The following NPAS3 variants were observed in gnomAD, a reference collection of about 807,000 sequenced individuals.
The protein encoded by NPAS3 is neuronal PAS domain-containing protein 3.
A neutral mutation model predicts 73.1 loss-of-function variants in NPAS3; 14 were observed. The observed-to-expected ratio is 0.19, with a 90% CI of 0.13 to 0.30. The LOEUF (loss-of-function observed/expected upper bound fraction) is 0.30. Ranked by LOEUF, NPAS3 falls within the 10% of genes least tolerant of loss-of-function variation. The pLI is 1.00. For missense variants in NPAS3, 1,096 were observed against 1,250.0 expected (o/e 0.88, Z 1.86); for synonymous variants, 620 against 541.5 (o/e 1.14, Z -2.01).
At chr14:32,975,363 C>G (rs1232223726) in intron 1 of NPAS3, among the ~76,000 whole-genome samples, 1 of 134,178 alleles carries the variant, frequency 7.5e-6, no homozygotes, top group East Asian at 2.5e-4. Context: ...CTCTATTGCC[C>G]AGGCTGGAGT....
At chr14:33,554,649 C>A (rs1179694417) in intron 4 of NPAS3, among the ~76,000 whole-genome samples, 1 of 152,050 alleles carries the variant, frequency 6.6e-6, no homozygotes, top group African/African-American at 2.4e-5. Flanking sequence ...TGATTTTTCC[C>A]CCTTCTGTAC....
At chr14:32,937,834 T>C (rs2035746688), upstream of NPAS3, among the ~76,000 whole-genome samples, 1 of 152,306 alleles carries the variant, frequency 6.6e-6, no homozygotes, top group South Asian at 2.1e-4. Context: ...GGTTGACACA[T>C]GACTGACCCA....
At chr14:33,748,762 T>G (rs2140744470) in intron 7 of NPAS3, among the ~76,000 whole-genome samples, 1 of 152,330 alleles carries the variant, frequency 6.6e-6, no homozygotes, top group East Asian at 1.9e-4. Context: ...TGGCTGACAG[T>G]ACCTACCCTT....
chr14:33,411,979 A>T (rs1306835570), intron 4 of NPAS3, among the ~76,000 whole-genome samples: 1 of 152,086 alleles, frequency 6.6e-6, no homozygotes, highest in African/African-American at 2.4e-5. Context: ...ATATTGTATA[A>T]CTCAATGTAC....
At chr14:33,352,832 A>G (rs939904572) in intron 3 of NPAS3, among the ~76,000 whole-genome samples, 4 of 152,244 alleles carry the variant, frequency 2.6e-5, no homozygotes, top group African/African-American at 9.6e-5. Flanking sequence ...AGCTTACTTC[A>G]TCTCAATTTT....
intron 3 of NPAS3, among the ~76,000 whole-genome samples, chr14:33,314,078 G>A (rs2043112078): frequency 6.6e-6 from 1 of 151,940 alleles, no homozygotes; most frequent in Admixed American, 6.6e-5. Context: ...TATGGTGATG[G>A]TGTTATTTGA....
chr14:33,055,807 AGCAAAATAT>A (rs2040867150), intron 1 of NPAS3, 89 bp from the exon 2 acceptor site: 16 of 686,122 alleles, frequency 2.3e-5, no homozygotes, highest in South Asian at 1.0e-4. Context: ...AAGCGTAAAA[AGCAAAATAT>A]ATTGAATTTC....
At chr14:33,763,149 T>C (rs1437336118) in intron 7 of NPAS3, among the ~76,000 whole-genome samples, 1 of 152,214 alleles carries the variant, frequency 6.6e-6, no homozygotes, top group Non-Finnish European at 1.5e-5. Context: ...GTGGTCTCCA[T>C]GGCCCCCTCC....
At chr14:33,751,658 C>T (rs1027297013) in intron 7 of NPAS3, among the ~76,000 whole-genome samples, 1 of 152,146 alleles carries the variant, frequency 6.6e-6, no homozygotes, top group South Asian at 2.1e-4. Context: ...TTGAATATAC[C>T]ATTTAGTAAA....
At chr14:33,155,468 G>A (rs867284524) in intron 2 of NPAS3, among the ~76,000 whole-genome samples, 1 of 152,146 alleles carries the variant, frequency 6.6e-6, no homozygotes, top group African/African-American at 2.4e-5. Context: ...ATAGTTCACT[G>A]CAGCTTCGAA....
chr14:33,146,301 A>G (rs1383562638), intron 2 of NPAS3, among the ~76,000 whole-genome samples: 1 of 152,198 alleles, frequency 6.6e-6, no homozygotes, highest in Non-Finnish European at 1.5e-5. Flanking sequence ...GGGTTTGCGT[A>G]ACTGTTCTAC....
chr14:33,650,212 G>T (rs1366670870), intron 5 of NPAS3, among the ~76,000 whole-genome samples: 1 of 152,206 alleles, frequency 6.6e-6, no homozygotes, highest in Admixed American at 6.5e-5. Flanking sequence ...CAACTTATTA[G>T]AAGAGAACAG....
At chr14:33,398,249 G>A (rs1014542146) in intron 4 of NPAS3, among the ~76,000 whole-genome samples, 1 of 151,500 alleles carries the variant, frequency 6.6e-6, no homozygotes, top group South Asian at 2.1e-4. Context: ...GAAGCAAACA[G>A]CATGCCACAC....
rs552542672 is a variant in NPAS3, at chr14:33,375,023, T to C, written c.468+7755T>C. Among the ~76,000 whole-genome samples the C allele has an allele frequency of 9.2e-5, 14 of 152,324 alleles. No homozygotes were observed. In the South Asian group the frequency reaches 2.9e-3, roughly 32 times the overall value. On this transcript the variant is annotated intron_variant, in intron 4 of 11. Transcript: ENST00000356141. Reference sequence around the variant, plus strand: ...TTTATTTTATTGAAATGTGTAGATATACATAAAATGATCATCTCTAGGAAG... The same window carrying C: ...TTTATTTTATTGAAATGTGTAGATACACATAAAATGATCATCTCTAGGAAG...
chr14:33,244,835 C>T (rs929269058), intron 3 of NPAS3, among the ~76,000 whole-genome samples: 12 of 152,176 alleles, frequency 7.9e-5, no homozygotes, highest in African/African-American at 2.7e-4. Context: ...CTTGAGTGGT[C>T]GTGCCTTCCT....
intron 4 of NPAS3, among the ~76,000 whole-genome samples, chr14:33,493,595 C>T (rs1048572925): frequency 2.6e-5 from 4 of 152,066 alleles, no homozygotes; most frequent in Non-Finnish European, 5.9e-5. Context: ...CTGTGAGAGG[C>T]AAGCAAAGAG....
In NPAS3 at chr14:32,972,441, A is replaced by G. The variant is rs80268927; in HGVS notation, c.50+33075A>G. 8.0e-4 allele frequency among the ~76,000 whole-genome samples: 122 copies of G among 152,356 alleles called. 1 individual carries two copies. In the East Asian group the frequency reaches 0.022, roughly 27 times the overall value. Reference sequence around the variant, plus strand: ...AGATTCATAAAATCAAGTTTGCTCAATATAAAATACACACACATGCACATG... The same window carrying G: ...AGATTCATAAAATCAAGTTTGCTCAGTATAAAATACACACACATGCACATG... On this transcript the variant is annotated intron_variant, in intron 1 of 11. Transcript: ENST00000356141.
intron 4 of NPAS3, among the ~76,000 whole-genome samples, chr14:33,517,359 A>C (rs2053351237): frequency 6.6e-6 from 1 of 152,080 alleles, no homozygotes; most frequent in African/African-American, 2.4e-5. Context: ...CATGACATAC[A>C]TTACATTTAC....
intron 3 of NPAS3, among the ~76,000 whole-genome samples, chr14:33,255,792 C>A (rs2048758426): frequency 6.6e-6 from 1 of 152,102 alleles, no homozygotes; most frequent in Admixed American, 6.5e-5. Flanking sequence ...TAGATGCCAG[C>A]AATTAGATGG....
Sources: gnomAD v4.1 joint callset for allele counts (sites outside exome capture counted in the v4.1 genomes callset) on GRCh38, gnomAD v4.1.1 for gene constraint, MANE v1.5 for transcripts, NCBI Gene and HGNC (gene_info 2026-07-23, HGNC 2026-07-21) for gene names.